Variants in TBC1D30 observed in about 807,000 individuals in gnomAD.
TBC1D30 encodes TBC1 domain family, member 30.
A neutral mutation model predicts 63.2 loss-of-function variants in TBC1D30; 31 were observed. The ratio of observed to expected loss-of-function variants is 0.49; its 90% CI spans 0.37 to 0.66. The LOEUF (loss-of-function observed/expected upper bound fraction) is 0.66, where lower values mean the gene tolerates loss of function less well. Ranked by LOEUF, TBC1D30 falls within the 30% of genes least tolerant of loss-of-function variation. The pLI, the probability that TBC1D30 is intolerant of heterozygous loss-of-function variation, is 0.00. For synonymous variants in TBC1D30, 307 were observed against 361.5 expected (o/e 0.85, Z 1.71); for missense variants, 810 against 953.6 (o/e 0.85, Z 1.98).
intron 1 of TBC1D30, among the ~76,000 whole-genome samples, chr12:64,760,389 C>A (rs1870456709): frequency 6.6e-6 from 1 of 152,026 alleles, no homozygotes; most frequent in Admixed American, 6.6e-5. Flanking sequence ...CGTGGGGAAA[C>A]CCCGTCTCTA....
rs573011407 is a variant in TBC1D30 at position 64,805,008 on chromosome 12, C to A, written c.643+18963C>A. ...CTGAGGTCAGAAGTTCGAGACCAGC[C>A]TGGCCAACATGGTAAATCCCTGTCT... On this transcript the variant is annotated intron_variant, in intron 2 of 12. Coordinates refer to the TBC1D30 transcript ENST00000542120. Among the ~76,000 whole-genome samples the A allele has an allele frequency of 7.2e-5, 11 of 152,206 alleles. No homozygotes were observed. The East Asian group carries it at 2.1e-3, about 29-fold the overall frequency.
chr12:64,837,265 C>G (rs886602264), intron 6 of TBC1D30, among the ~76,000 whole-genome samples: 1 of 151,986 alleles, frequency 6.6e-6, no homozygotes, highest in East Asian at 1.9e-4. Flanking sequence ...TTCCACAGAC[C>G]AGGGCTTGGG....
chr12:64,839,538 C>T (rs1039303663), intron 7 of TBC1D30, among the ~76,000 whole-genome samples: 2 of 152,178 alleles, frequency 1.3e-5, no homozygotes, highest in South Asian at 2.1e-4. Context: ...GAAGTTTTTA[C>T]CATTTCTCTT....
At chr12:64,812,879 C>G (rs550585432) in intron 2 of TBC1D30, among the ~76,000 whole-genome samples, 62 of 151,748 alleles carry the variant, frequency 4.1e-4, no homozygotes, top group African/African-American at 1.5e-3. Context: ...TCATTCTTCT[C>G]AAGTAACATG....
rs1274417122 is a variant in TBC1D30, at chr12:64,828,462, G to A, written c.235G>A (p.Ala79Thr). 6.5e-7 allele frequency: 1 copy of A among 1,535,896 alleles called. No individual in the cohort carries two copies. The highest frequency in any genetic ancestry group is 1.2e-5 in the South Asian group (1 of 84,054). Residue 79 changes from alanine to threonine, a missense_variant, in exon 3 of 12, where the codon GCA becomes ACA. By Grantham distance (58) the Ala-to-Thr change is moderately conservative (BLOSUM62 0). Coordinates refer to ENST00000539867, the MANE Select transcript of TBC1D30 (RefSeq NM_015279.2). ...GFQQWYDALK[A>T]VARLSTGIPK... ...TTCCTAGTGGTACGATGCTCTCAAGGCAGTTGCCAGGCTATCCACAGGAAT... is the reference window on the plus strand; with the variant it reads ...TTCCTAGTGGTACGATGCTCTCAAGACAGTTGCCAGGCTATCCACAGGAAT...
upstream of TBC1D30, among the ~76,000 whole-genome samples, chr12:64,777,139 G>A (rs75183919): frequency 0.033 from 4,952 of 152,126 alleles, 301 homozygotes; most frequent in African/African-American, 0.11. Flanking sequence ...TGACAAACCC[G>A]CAGCTAATAT....
At chr12:64,813,257 G>A (rs1873321412) in intron 2 of TBC1D30, among the ~76,000 whole-genome samples, 1 of 152,088 alleles carries the variant, frequency 6.6e-6, no homozygotes, top group South Asian at 2.1e-4. Flanking sequence ...GGATGTGGTG[G>A]TGCACGCCTG....
Position 64,867,854 on chromosome 12 carries a change from CCGTT to C in TBC1D30, c.1291+953_1291+956del, listed in dbSNP as rs1878352164. On this transcript the variant is annotated intron_variant, in intron 10 of 11. Coordinates refer to ENST00000539867, the MANE Select transcript of TBC1D30 (RefSeq NM_015279.2). ...TTACAAAGAGATAACTTCCACCTAC[CCGTT>C]CTACTAATAGTTCTTCTCTTTGCTT... The C allele has an allele frequency of 2.6e-5, 4 of 152,174 alleles. No homozygotes were observed. In the South Asian group the frequency reaches 8.3e-4, roughly 32 times the overall value. 9.4% of individuals were successfully genotyped at this position (152,174 alleles called of 1,614,324 possible).
intron 8 of TBC1D30, among the ~76,000 whole-genome samples, chr12:64,851,659 T>C (rs192994265): frequency 5.3e-5 from 8 of 152,366 alleles, no homozygotes; most frequent in South Asian, 2.1e-4. Context: ...CAGTGGTTGG[T>C]ACCAGTTTTT....
intron 2 of TBC1D30, among the ~76,000 whole-genome samples, chr12:64,814,256 A>AG (rs1873392362): frequency 6.6e-6 from 1 of 152,130 alleles, no homozygotes; most frequent in African/African-American, 2.4e-5. Flanking sequence ...CATGTTGGCT[A>AG]GGCTGGTCTT....
intron 8 of TBC1D30, among the ~76,000 whole-genome samples, chr12:64,857,902 CTA>C (rs755105517): frequency 3.9e-5 from 6 of 152,248 alleles, no homozygotes. Flanking sequence ...GTAAAGTCCT[CTA>C]GTCACTGCAC....
At chr12:64,814,860 A>G (rs1388470777) in intron 2 of TBC1D30, among the ~76,000 whole-genome samples, 3 of 152,228 alleles carry the variant, frequency 2.0e-5, no homozygotes, top group East Asian at 3.8e-4. Context: ...CATAAATTTG[A>G]CCATTACCAG....
Position 64,876,556 on chromosome 12 carries a change from G to A in TBC1D30, c.*768G>A, listed in dbSNP as rs1879097831. On this transcript the variant is annotated 3_prime_UTR_variant, in exon 12 of 12. Coordinates refer to ENST00000539867, the MANE Select transcript of TBC1D30 (RefSeq NM_015279.2). ...CCTGAGGTTTGTGTTCGCCTCTCAA[G>A]GAGAGCTTTGATCCTCAGTGGTACG... The A allele has an allele frequency of 6.2e-6, 2 of 323,412 alleles. No individual in the cohort carries two copies. Among genetic ancestry groups the A allele is most frequent in the East Asian group, 7.6e-5 (1 of 13,124 alleles). 20.0% of individuals were successfully genotyped at this position (323,412 alleles called of 1,614,324 possible). A position where few individuals can be genotyped will look rare whatever the true frequency, so the allele number is the denominator to read the frequency against.
rs1227766727 is a variant in TBC1D30, at chr12:64,876,870, T to C, written c.*1082T>C. On this transcript the variant is annotated 3_prime_UTR_variant, in exon 12 of 12. Coordinates refer to ENST00000539867, the MANE Select transcript of TBC1D30 (RefSeq NM_015279.2). ...CCAGCGGGTCAGGGATAGCACCTCT[T>C]GTCTCCACTATGCAGATGGGAACTC... is the stretch of plus-strand genomic sequence containing the variant. The C allele has an allele frequency of 2.2e-6, 1 of 456,080 alleles. No individual in the cohort carries two copies. The highest frequency in any genetic ancestry group is 4.4e-6 in the Non-Finnish European group (1 of 226,808). 28.3% of individuals were successfully genotyped at this position (456,080 alleles called of 1,614,324 possible).
chr12:64,819,691 A>G (rs1873773847), upstream of TBC1D30, among the ~76,000 whole-genome samples: 1 of 152,090 alleles, frequency 6.6e-6, no homozygotes, highest in Non-Finnish European at 1.5e-5. Context: ...CCTTGAAGGA[A>G]CTACTTGTTA....
At chr12:64,859,034 G>GTGTGTGTC (rs1043263646) in intron 8 of TBC1D30, among the ~76,000 whole-genome samples, 22 of 152,002 alleles carry the variant, frequency 1.4e-4, no homozygotes, top group Non-Finnish European at 2.6e-4. Flanking sequence ...GTGTGTGTGT[G>GTGTGTGTC]TGTGTGTCTG....
At position 64,806,620 on chromosome 12, in the gene TBC1D30, G is replaced by A. The variant is rs145601348; in HGVS notation, c.643+20575G>A. Among the ~76,000 whole-genome samples, 335 of 152,280 alleles carry A rather than the reference G, an allele frequency of 2.2e-3. 2 individuals are homozygous for A. Among genetic ancestry groups the A allele is most frequent in the African/African-American group, 7.6e-3 (317 of 41,544 alleles). ...AGCTGCTATGGAAAACAGTATGGTG[G>A]TTCCTCAAAAAATAAAAATAGAATT... On this transcript the variant is annotated intron_variant, in intron 2 of 12. Coordinates refer to the TBC1D30 transcript ENST00000542120.
upstream of TBC1D30, among the ~76,000 whole-genome samples, chr12:64,778,416 G>T (rs918250079): frequency 1.3e-5 from 2 of 151,890 alleles, no homozygotes; most frequent in Non-Finnish European, 2.9e-5. Context: ...TAAATCAGTA[G>T]ATTATATACT....
intron 1 of TBC1D30, among the ~76,000 whole-genome samples, chr12:64,765,892 G>A (rs533245795): frequency 6.6e-6 from 1 of 151,854 alleles, no homozygotes; most frequent in South Asian, 2.1e-4. Flanking sequence ...TGCTCCTGTA[G>A]TCCCAGCTAC....
Sources: gnomAD v4.1 joint callset for allele counts (sites outside exome capture counted in the v4.1 genomes callset) on GRCh38, gnomAD v4.1.1 for gene constraint, MANE v1.5 for transcripts, NCBI Gene and HGNC (gene_info 2026-07-23, HGNC 2026-07-21) for gene names.